NRG1: variants seen among roughly 807,000 people sequenced by gnomAD.
NRG1 encodes the protein pro-neuregulin-1, membrane-bound isoform.
Under a neutral mutation model 63.8 loss-of-function variants are expected in NRG1, and 18 were observed. The ratio of observed to expected loss-of-function variants is 0.28; its 90% CI spans 0.19 to 0.42. The LOEUF is 0.42. Ranked by LOEUF, NRG1 falls within the 10% of genes least tolerant of loss-of-function variation. The probability of loss-of-function intolerance (pLI) is 1.00; values close to 1 mark genes in which losing one functional copy is unlikely to be tolerated. For synonymous variants in NRG1, 302 were observed against 301.3 expected (o/e 1.00, Z -0.02); for missense variants, 762 against 814.7 (o/e 0.94, Z 0.79).
chr8:32,336,734 T>A (rs1334557026), intron 1 of NRG1, among the ~76,000 whole-genome samples: 1 of 152,150 alleles, frequency 6.6e-6, no homozygotes, highest in African/African-American at 2.4e-5. Context: ...TGCAGCCTCC[T>A]GAGTAGTTGC....
chr8:32,569,829 C>T (rs926538810), intron 1 of NRG1, among the ~76,000 whole-genome samples: 5 of 151,544 alleles, frequency 3.3e-5, no homozygotes, highest in South Asian at 2.1e-4. Flanking sequence ...TTTTCCCATC[C>T]GTTTTCATCT....
intron 1 of NRG1, among the ~76,000 whole-genome samples, chr8:31,836,894 C>G (rs1825736323): frequency 6.6e-6 from 1 of 152,000 alleles, no homozygotes; most frequent in African/African-American, 2.4e-5. Flanking sequence ...TTTATATTCT[C>G]ACTGACAATC....
chr8:32,564,515 G>A (rs1229785249), intron 1 of NRG1, among the ~76,000 whole-genome samples: 2 of 152,166 alleles, frequency 1.3e-5, no homozygotes, highest in African/African-American at 4.8e-5. Context: ...AAAAGCTGCC[G>A]ATTGTTTCAG....
intron 1 of NRG1, among the ~76,000 whole-genome samples, chr8:32,269,079 TCTCC>T (rs1851285942): frequency 6.6e-6 from 1 of 151,972 alleles, no homozygotes; most frequent in Admixed American, 6.6e-5. Flanking sequence ...TCTTTTCCTC[TCTCC>T]CTCCCTCCTT....
chr8:31,741,711 CAA>C (rs1249726877), intron 1 of NRG1, among the ~76,000 whole-genome samples: 1 of 151,890 alleles, frequency 6.6e-6, no homozygotes, highest in Admixed American at 6.6e-5. Flanking sequence ...GAAATTATGA[CAA>C]TAAGTTTTGG....
intron 1 of NRG1, among the ~76,000 whole-genome samples, chr8:32,135,186 G>A (rs1835350406): frequency 6.6e-6 from 1 of 152,120 alleles, no homozygotes; most frequent in Non-Finnish European, 1.5e-5. Context: ...CCAGATCATG[G>A]GAGCTTTATA....
At chr8:32,334,150 T>A (rs1802972818) in intron 1 of NRG1, among the ~76,000 whole-genome samples, 1 of 152,246 alleles carries the variant, frequency 6.6e-6, no homozygotes, top group Non-Finnish European at 1.5e-5. Flanking sequence ...ACTGTTTTTT[T>A]CTTTAGGACT....
At chr8:31,962,469 T>A (rs1805614580) in intron 1 of NRG1, among the ~76,000 whole-genome samples, 1 of 152,140 alleles carries the variant, frequency 6.6e-6, no homozygotes, top group African/African-American at 2.4e-5. Flanking sequence ...ACTAATAAAC[T>A]AATTAATGTC....
chr8:31,659,422 C>A (rs1563264523), intron 1 of NRG1, among the ~76,000 whole-genome samples: 3 of 152,130 alleles, frequency 2.0e-5, no homozygotes, highest in Admixed American at 6.5e-5. Context: ...GGGAACCATG[C>A]AACCATGCGA....
At chr8:31,972,499 C>T (rs1049534121) in intron 1 of NRG1, among the ~76,000 whole-genome samples, 1 of 152,134 alleles carries the variant, frequency 6.6e-6, no homozygotes, top group Non-Finnish European at 1.5e-5. Context: ...TTCTAAGGCT[C>T]GCTTACTATT....
chr8:32,647,566 A>G (rs1261352896), intron 5 of NRG1: 2 of 1,355,864 alleles, frequency 1.5e-6, no homozygotes, highest in East Asian at 5.3e-5. Flanking sequence ...CCCCCCTTGC[A>G]TCTTTCTGAA....
chr8:31,715,145 T>A (rs1260785647), intron 1 of NRG1, among the ~76,000 whole-genome samples: 1 of 152,152 alleles, frequency 6.6e-6, no homozygotes, highest in East Asian at 1.9e-4. Flanking sequence ...AAGCTTATAA[T>A]TAGGGTCATG....
intron 1 of NRG1, among the ~76,000 whole-genome samples, chr8:32,251,138 A>T (rs1407723963): frequency 1.3e-5 from 2 of 152,010 alleles, no homozygotes; most frequent in Non-Finnish European, 2.9e-5. Flanking sequence ...TACGCTTGCC[A>T]TGGTGGTTTG....
At chr8:32,062,669 C>G (rs1007542354) in intron 1 of NRG1, among the ~76,000 whole-genome samples, 2 of 151,988 alleles carry the variant, frequency 1.3e-5, no homozygotes, top group African/African-American at 4.8e-5. Flanking sequence ...CTTTTCTCAC[C>G]TCTTGACAGA....
chr8:32,737,675 C>CTTT (rs561750288), intron 6 of NRG1, among the ~76,000 whole-genome samples: 9 of 127,882 alleles, frequency 7.0e-5, no homozygotes, highest in Non-Finnish European at 9.9e-5. Context: ...GACAATCTTC[C>CTTT]TTTTTTTTTT....
chr8:32,109,296 A>T (rs763119937), intron 1 of NRG1, among the ~76,000 whole-genome samples: 46 of 152,190 alleles, frequency 3.0e-4, no homozygotes, highest in Non-Finnish European at 5.1e-4. Context: ...GGCACAATAG[A>T]TCATGATTAG....
At chr8:31,659,304 G>A (rs1447733335) in intron 1 of NRG1, among the ~76,000 whole-genome samples, 2 of 152,098 alleles carry the variant, frequency 1.3e-5, no homozygotes, top group Admixed American at 6.6e-5. Context: ...CAACTTTCCC[G>A]GAAAAGTTAA....
exon 2 of NRG1, chr8:32,595,883 A>C: frequency 6.2e-7 from 1 of 1,613,946 alleles, no homozygotes; most frequent in East Asian, 2.2e-5. Flanking sequence ...CAGGTTCCAA[A>C]CTAGTCCTTC....
chr8:32,678,796 C>G (rs924934224), intron 5 of NRG1, among the ~76,000 whole-genome samples: 1 of 152,110 alleles, frequency 6.6e-6, no homozygotes, highest in Non-Finnish European at 1.5e-5. Context: ...GCACAGCACC[C>G]AGACTAGTAC....
Sources: allele counts gnomAD v4.1 joint callset (sites outside exome capture counted in the v4.1 genomes callset), GRCh38; gene constraint gnomAD v4.1.1; transcripts MANE v1.5; gene names NCBI Gene and HGNC (gene_info 2026-07-23, HGNC 2026-07-21).